The following BICD1 variants were observed in gnomAD, a reference collection of about 807,000 sequenced individuals.
BICD1 encodes the protein BICD cargo adaptor 1, also known as protein bicaudal D homolog 1.
BICD1 carries 35 observed loss-of-function variants against 92.5 expected under a neutral mutation model. That is an observed-to-expected ratio of 0.38 (90% confidence interval 0.29 to 0.50). BICD1 has a LOEUF of 0.50. Ranked by LOEUF, BICD1 falls within the 20% of genes least tolerant of loss-of-function variation. The pLI is 0.93. For synonymous variants in BICD1, 429 were observed against 465.1 expected, an observed-to-expected ratio of 0.92 and a Z score of 1.00; for missense variants, 950 against 1,189.8, an observed-to-expected ratio of 0.80 and a Z score of 2.97.
At chr12:32,278,375 G>A (rs1298258615) in intron 2 of BICD1, among the ~76,000 whole-genome samples, 1 of 152,188 alleles carries the variant, frequency 6.6e-6, no homozygotes, top group African/African-American at 2.4e-5. Context: ...AGAAAGAACA[G>A]TCAAGCTAGT....
intron 9 of BICD1, among the ~76,000 whole-genome samples, chr12:32,374,840 G>T (rs1240646556): frequency 6.9e-6 from 1 of 145,248 alleles, no homozygotes; most frequent in African/African-American, 2.5e-5. Flanking sequence ...GCCTGCCTCG[G>T]CCTCCCAAAG....
chr12:32,338,580 A>G, intron 7 of BICD1: 1 of 454,550 alleles, frequency 2.2e-6, no homozygotes, highest in Non-Finnish European at 3.8e-6. Flanking sequence ...ACTGTAATAA[A>G]TCTTTTTTCC....
At chr12:32,156,014 C>G (rs1943425240) in intron 1 of BICD1, among the ~76,000 whole-genome samples, 1 of 152,164 alleles carries the variant, frequency 6.6e-6, no homozygotes. Context: ...AACACCTTTA[C>G]AATGGAGTGA....
At chr12:32,365,831 A>G (rs1282431467) in intron 8 of BICD1, among the ~76,000 whole-genome samples, 1 of 152,228 alleles carries the variant, frequency 6.6e-6, no homozygotes, top group African/African-American at 2.4e-5. Context: ...CTGAGTTTCT[A>G]CAAAAGGGAA....
intron 2 of BICD1, among the ~76,000 whole-genome samples, chr12:32,254,966 G>GT (rs1290904645): frequency 1.3e-5 from 2 of 152,260 alleles, no homozygotes; most frequent in East Asian, 1.9e-4. Flanking sequence ...CTTGGCCACT[G>GT]TATTAGTCTG....
chr12:32,138,887 C>G (rs1373154451), intron 1 of BICD1, among the ~76,000 whole-genome samples: 1 of 152,074 alleles, frequency 6.6e-6, no homozygotes, highest in Non-Finnish European at 1.5e-5. Context: ...ATAATAGATT[C>G]TATGCTATGG....
chr12:32,273,963 C>T (rs1229458010), intron 2 of BICD1, among the ~76,000 whole-genome samples: 1 of 152,194 alleles, frequency 6.6e-6, no homozygotes, highest in Non-Finnish European at 1.5e-5. Context: ...CTTCTCTTGG[C>T]TCCACCCTCT....
chr12:32,256,858 A>G (rs1305223494), intron 2 of BICD1, among the ~76,000 whole-genome samples: 1 of 152,228 alleles, frequency 6.6e-6, no homozygotes, highest in Non-Finnish European at 1.5e-5. Context: ...AACAAATTAC[A>G]GTATCTAATT....
chr12:32,215,847 G>A (rs1945340717), intron 1 of BICD1, among the ~76,000 whole-genome samples: 3 of 151,188 alleles, frequency 2.0e-5, no homozygotes, highest in South Asian at 2.1e-4. Flanking sequence ...CCAGCTACTC[G>A]GGAGGCTGAG....
chr12:32,338,960 G>A lies in BICD1; in HGVS notation c.2745G>A (p.Arg915=), dbSNP rs1182835380. 2.5e-6 allele frequency: 4 copies of A among 1,598,106 alleles called. No individual in the cohort carries two copies. The highest frequency in any genetic ancestry group is 2.3e-5 in the East Asian group (1 of 43,526). Residue 915 remains arginine (R), a synonymous_variant, in exon 8 of 10, where the codon AGG becomes AGA. Transcript: ENST00000652176. ...IQGHRLSKEK[R]LTVAPPDCQQ... is the part of the protein sequence containing the mutation. The stretch of plus-strand genomic sequence containing the variant: ...GGCACCGGCTCAGCAAGGAAAAAAG[G>A]TTAACCGTGGCTCCACCAGGTAAAC...
intron 8 of BICD1, among the ~76,000 whole-genome samples, chr12:32,346,558 A>ACGTG (rs1194539535): frequency 8.1e-4 from 18 of 22,086 alleles, no homozygotes; most frequent in African/African-American, 3.8e-3. Flanking sequence ...ATATATATAT[A>ACGTG]TATATATATA....
chr12:32,346,558 A>ATATATATATATATATATATATACGTGTG (rs1938589798), intron 8 of BICD1, among the ~76,000 whole-genome samples: 1 of 22,094 alleles, frequency 4.5e-5, no homozygotes. Flanking sequence ...ATATATATAT[A>ATATATATATATATATATATATACGTGTG]TATATATATA....
chr12:32,256,131 C>A (rs1946712815), intron 2 of BICD1, among the ~76,000 whole-genome samples: 1 of 152,100 alleles, frequency 6.6e-6, no homozygotes, highest in African/African-American at 2.4e-5. Flanking sequence ...TAGCTCACTG[C>A]AACCTTGACC....
At chr12:32,181,390 A>G (rs1944269076) in intron 1 of BICD1, among the ~76,000 whole-genome samples, 1 of 151,672 alleles carries the variant, frequency 6.6e-6, no homozygotes, top group African/African-American at 2.4e-5. Flanking sequence ...ACGGCACTCC[A>G]GCCTGGGCAA....
chr12:32,297,781 C>A (rs983549818), intron 3 of BICD1, among the ~76,000 whole-genome samples: 2 of 151,228 alleles, frequency 1.3e-5, no homozygotes, highest in African/African-American at 4.9e-5. Flanking sequence ...TTAAAAAACA[C>A]CTCTTACTTT....
intron 1 of BICD1, among the ~76,000 whole-genome samples, chr12:32,190,715 A>T (rs1442197718): frequency 1.3e-5 from 2 of 152,242 alleles, no homozygotes; most frequent in African/African-American, 4.8e-5. Flanking sequence ...ATGAGGAAAC[A>T]GTGGCCTGAA....
intron 2 of BICD1, among the ~76,000 whole-genome samples, chr12:32,236,872 C>CT (rs57318640): frequency 0.078 from 6,968 of 89,318 alleles, 446 homozygotes; most frequent in East Asian, 0.19. Flanking sequence ...AAGTCTAATT[C>CT]TTTTTTTTTT....
At chr12:32,264,526 C>T (rs59934839) in intron 2 of BICD1, among the ~76,000 whole-genome samples, 7,745 of 152,064 alleles carry the variant, frequency 0.051, 646 homozygotes, top group African/African-American at 0.18. Context: ...CTTGCTGTGT[C>T]GCCCAGGCTG....
At position 32,328,840 on chromosome 12, in the gene BICD1, G is replaced by A. The variant is rs575790553; in HGVS notation, c.2100+285G>A. On this transcript the variant is annotated intron_variant, in intron 5 of 9. Transcript: ENST00000652176. The surrounding 1 kb of genome is among the most constrained non-coding windows in gnomAD (Gnocchi z 4.4). ...GCAGATGTAGAAAGGCAGCTCAGGC[G>A]GTGCTGGGCTGAAGCCTGGCAGTGA... Among the ~76,000 whole-genome samples, 94 of 152,256 alleles carry A rather than the reference G, an allele frequency of 6.2e-4. No homozygotes were observed. Among genetic ancestry groups the A allele is most frequent in the Non-Finnish European group, 1.1e-3 (72 of 68,028 alleles).
Sources: allele counts gnomAD v4.1 joint callset (sites outside exome capture counted in the v4.1 genomes callset), GRCh38; gene constraint gnomAD v4.1.1; non-coding constraint Gnocchi (gnomAD v3.1); transcripts MANE v1.5; gene names NCBI Gene and HGNC (gene_info 2026-07-23, HGNC 2026-07-21).